Variants in SH3RF3 observed in about 807,000 individuals in gnomAD.
SH3RF3 encodes E3 ubiquitin-protein ligase SH3RF3.
In SH3RF3, 29 loss-of-function variants were observed where a neutral mutation model predicts 66.3. That is an observed-to-expected ratio of 0.44 (90% CI 0.33 to 0.60). The LOEUF is 0.60. Ranked by LOEUF, SH3RF3 falls within the 20% of genes least tolerant of loss-of-function variation. The probability of loss-of-function intolerance (pLI) is 0.04; values close to 1 mark genes in which losing one functional copy is unlikely to be tolerated. For missense variants in SH3RF3, 1,194 were observed against 1,190.9 expected (o/e 1.00, Z -0.04); for synonymous variants, 583 against 532.0 (o/e 1.10, Z -1.32).
At chr2:109,386,149 AAAGCTGAC>A (rs1396379999) in intron 3 of SH3RF3, among the ~76,000 whole-genome samples, 1 of 152,214 alleles carries the variant, frequency 6.6e-6, no homozygotes, top group African/African-American at 2.4e-5. Context: ...TCAAGGCTGC[AAAGCTGAC>A]CGCCTTGCCT....
At chr2:109,366,520 G>A (rs1683155121) in intron 2 of SH3RF3, among the ~76,000 whole-genome samples, 1 of 152,194 alleles carries the variant, frequency 6.6e-6, no homozygotes, top group African/African-American at 2.4e-5. Context: ...ATACATACTT[G>A]AGGAGAATAT....
At position 109,347,739 on chromosome 2, in the gene SH3RF3, C is replaced by A; in HGVS notation, c.639C>A (p.Leu213=). The change falls in exon 2 of 10, where the codon CTC becomes CTA. Residue 213 remains leucine, a synonymous_variant. Transcript: ENST00000309415. ...ACGAGGGGAAGGAACCTGGTGACCT[C>A]AAGTTCAACAAGGGGGACATCATCG... ...YSYEGKEPGD[L]KFNKGDIIVL... 1 of 1,613,930 alleles carries A rather than the reference C, an allele frequency of 6.2e-7. No homozygotes were observed. Among genetic ancestry groups the A allele is most frequent in the East Asian group, 2.2e-5 (1 of 44,870 alleles).
intron 8 of SH3RF3, among the ~76,000 whole-genome samples, chr2:109,474,840 A>G (rs1360544358): frequency 6.6e-6 from 1 of 152,220 alleles, no homozygotes; most frequent in East Asian, 1.9e-4. Context: ...TGTGTGCGCC[A>G]AAGTCTACAC....
chr2:109,327,725 A>G (rs1323413308), intron 1 of SH3RF3, among the ~76,000 whole-genome samples: 2 of 152,258 alleles, frequency 1.3e-5, no homozygotes, highest in Non-Finnish European at 2.9e-5. Context: ...ACCACTTAAA[A>G]TAGCAACAAA....
At chr2:109,395,521 C>T (rs1008642325) in intron 3 of SH3RF3, among the ~76,000 whole-genome samples, 6 of 152,150 alleles carry the variant, frequency 3.9e-5, no homozygotes, top group African/African-American at 1.4e-4. Context: ...TCTTACTTCT[C>T]CTGCCGTCTG....
intron 1 of SH3RF3, among the ~76,000 whole-genome samples, chr2:109,300,799 A>C (rs1204962300): frequency 6.6e-6 from 1 of 152,216 alleles, no homozygotes; most frequent in South Asian, 2.1e-4. Context: ...AGTGAGTGTC[A>C]TCACCTAGAG....
chr2:109,178,832 A>G (rs554844224), intron 1 of SH3RF3, among the ~76,000 whole-genome samples: 2 of 152,312 alleles, frequency 1.3e-5, no homozygotes, highest in South Asian at 4.1e-4. Flanking sequence ...TTACAGTGAA[A>G]TGAATATGGA....
intron 3 of SH3RF3, among the ~76,000 whole-genome samples, chr2:109,378,041 T>A (rs1683429984): frequency 6.6e-6 from 1 of 152,216 alleles, no homozygotes; most frequent in Non-Finnish European, 1.5e-5. Context: ...CTTGGTCTTG[T>A]GGGTTTTCGG....
intron 1 of SH3RF3, among the ~76,000 whole-genome samples, chr2:109,148,512 G>C (rs545137642): frequency 6.6e-6 from 1 of 152,342 alleles, no homozygotes; most frequent in Non-Finnish European, 1.5e-5. Flanking sequence ...AATGAAAGAA[G>C]GGTTGAGTAA....
intron 1 of SH3RF3, among the ~76,000 whole-genome samples, chr2:109,187,546 C>T (rs1478480944): frequency 6.6e-6 from 1 of 152,054 alleles, no homozygotes; most frequent in East Asian, 1.9e-4. Flanking sequence ...CATTGTGTTC[C>T]AGCTCCTAAG....
chr2:109,169,788 A>C (rs1677718263), intron 1 of SH3RF3, among the ~76,000 whole-genome samples: 1 of 152,060 alleles, frequency 6.6e-6, no homozygotes, highest in Admixed American at 6.5e-5. Flanking sequence ...CCCCAAAATC[A>C]AATAGGCTGA....
At chr2:109,243,524 C>T (rs1679837630) in intron 1 of SH3RF3, among the ~76,000 whole-genome samples, 1 of 152,122 alleles carries the variant, frequency 6.6e-6, no homozygotes, top group African/African-American at 2.4e-5. Flanking sequence ...TCAGATGGGG[C>T]AGGTGACATA....
chr2:109,344,042 C>A (rs1682623603), intron 1 of SH3RF3, among the ~76,000 whole-genome samples: 1 of 152,188 alleles, frequency 6.6e-6, no homozygotes, highest in Non-Finnish European at 1.5e-5. Context: ...CCATACCCGT[C>A]CCCAGATCCT....
At chr2:109,250,866 T>C (rs1201695741) in intron 1 of SH3RF3, among the ~76,000 whole-genome samples, 2 of 152,092 alleles carry the variant, frequency 1.3e-5, no homozygotes, top group Non-Finnish European at 2.9e-5. Flanking sequence ...GAACAAAAAA[T>C]CAAATCACTT....
intron 1 of SH3RF3, among the ~76,000 whole-genome samples, chr2:109,331,899 C>T (rs1682295302): frequency 6.6e-6 from 1 of 152,188 alleles, no homozygotes; most frequent in Non-Finnish European, 1.5e-5. Flanking sequence ...AGCTGCAGTC[C>T]ACTGCCTCTC....
At chr2:109,331,656 T>C (rs1682288944) in intron 1 of SH3RF3, among the ~76,000 whole-genome samples, 1 of 152,218 alleles carries the variant, frequency 6.6e-6, no homozygotes, top group Admixed American at 6.5e-5. Flanking sequence ...ATAAAGTGTA[T>C]GCTCCCTTAA....
intron 1 of SH3RF3, among the ~76,000 whole-genome samples, chr2:109,289,634 A>G (rs1381523175): frequency 3.3e-5 from 5 of 152,158 alleles, no homozygotes; most frequent in African/African-American, 7.2e-5. Flanking sequence ...GTGGAAAGCT[A>G]TGTTGGTTTT....
intron 1 of SH3RF3, among the ~76,000 whole-genome samples, chr2:109,334,974 G>A (rs1200228347): frequency 6.6e-6 from 1 of 152,224 alleles, no homozygotes; most frequent in Non-Finnish European, 1.5e-5. Context: ...CAGGCCATGC[G>A]TCCTGGTGCG....
At chr2:109,301,373 G>T (rs1161313945) in intron 1 of SH3RF3, among the ~76,000 whole-genome samples, 1 of 151,840 alleles carries the variant, frequency 6.6e-6, no homozygotes, top group Non-Finnish European at 1.5e-5. Context: ...TTTTGTGTGT[G>T]GTGGGGGGAC....
Sources: allele counts gnomAD v4.1 joint callset (sites outside exome capture counted in the v4.1 genomes callset), GRCh38; gene constraint gnomAD v4.1.1; transcripts MANE v1.5; gene names NCBI Gene and HGNC (gene_info 2026-07-23, HGNC 2026-07-21).